The following CCDC9B variants were observed in gnomAD, a reference collection of about 807,000 sequenced individuals.
The protein encoded by CCDC9B is coiled-coil domain containing 9B.
In CCDC9B, 40 loss-of-function variants were observed where a neutral mutation model predicts 47.2. The observed-to-expected ratio is 0.85, with a 90% CI of 0.66 to 1.10. The LOEUF (loss-of-function observed/expected upper bound fraction) is 1.10, where lower values mean the gene tolerates loss of function less well. Among genes scored for constraint, CCDC9B ranks in the 50% least tolerant of loss-of-function variants. The pLI is 0.00. For synonymous variants in CCDC9B, 238 were observed against 250.7 expected (o/e 0.95, Z 0.48); for missense variants, 662 against 651.0 (o/e 1.02, Z -0.18).
rs370005721 is a variant in CCDC9B at position 40,336,743 on chromosome 15, C to A, written c.796+17G>T. On this transcript the variant is annotated intron_variant, in intron 8 of 10. Transcript: ENST00000397536. ...CTTTAGCTGACGAGACCTGGCCCCT[C>A]CTCCTCCCCAACTCACCTTTTCCAT... The A allele has an allele frequency of 3.7e-6, 6 of 1,600,416 alleles. No homozygotes were observed. In the African/African-American group the frequency reaches 8.1e-5, roughly 22 times the overall value.
intron 5 of CCDC9B, chr15:40,338,214 A>C: frequency 1.4e-6 from 1 of 699,558 alleles, no homozygotes; most frequent in South Asian, 1.5e-5. Flanking sequence ...GGCAAGGACT[A>C]GGGGCTGCTG....
chr15:40,336,298 G>A, intron 9 of CCDC9B: 1 of 985,386 alleles, frequency 1.0e-6, no homozygotes, highest in South Asian at 4.7e-5. Flanking sequence ...AGTTCTGTGG[G>A]GACTCCAGGC....
At chr15:40,336,912 C>A (rs562536344) in intron 7 of CCDC9B, 99 bp from the exon 8 acceptor site, 26 of 1,296,054 alleles carry the variant, frequency 2.0e-5, no homozygotes, top group Non-Finnish European at 2.7e-5. Flanking sequence ...GTCCTCGGGG[C>A]CAGTCGTGGG....
At position 40,338,889 on chromosome 15, in the gene CCDC9B, A is replaced by C; in HGVS notation, c.246T>G (p.Val82=). Residue 82 remains valine (V), a synonymous_variant, in exon 4 of 11, where the codon GTT becomes GTG. Transcript: ENST00000397536. ...AGGTACCCCTTGCCCAGTTCCTGCT[A>C]ACCACCCGCTTTTCCTGCAGAACAA... ...ISQVPGEKRV[V]SRNWARGTCG... is the part of the protein sequence containing the mutation. The C allele has an allele frequency of 6.2e-7, 1 of 1,614,024 alleles. No individual in the cohort carries two copies. The highest frequency in any genetic ancestry group is 8.5e-7 in the Non-Finnish European group (1 of 1,180,010).
rs530847185 is a variant in CCDC9B at position 40,336,934 on chromosome 15, C to T, written c.743-121G>A. On this transcript the variant is annotated intron_variant, in intron 7 of 10. Coordinates refer to ENST00000397536, the MANE Select transcript of CCDC9B (RefSeq NM_207380.3). Reference sequence around the variant, plus strand: ...GGGCCAGTCGTGGGTTTTGCCTCCCCAAAAGCGCCCTCGCCTGGGGGTCAG... The same window carrying T: ...GGGCCAGTCGTGGGTTTTGCCTCCCTAAAAGCGCCCTCGCCTGGGGGTCAG... 3.2e-6 allele frequency: 3 copies of T among 932,640 alleles called. No homozygotes were observed. In the Admixed American group the frequency reaches 7.7e-5, roughly 24 times the overall value. 57.8% of individuals were successfully genotyped at this position (932,640 alleles called of 1,614,324 possible).
intron 1 of CCDC9B, chr15:40,340,219 T>G: frequency 1.7e-6 from 1 of 586,824 alleles, no homozygotes; most frequent in South Asian, 2.0e-5. Flanking sequence ...CCCTGCCTCC[T>G]CAGGGGGCTC....
Position 40,338,520 on chromosome 15 carries a change from C to A in CCDC9B, c.513+15G>T, listed in dbSNP as rs1289463975. ...ACCTTCAGATCCATGTCCCCATCCCCTCTTGAAGACACACCTTCCGTGCAG... is the reference window on the plus strand; with the variant it reads ...ACCTTCAGATCCATGTCCCCATCCCATCTTGAAGACACACCTTCCGTGCAG... On this transcript the variant is annotated intron_variant, in intron 5 of 10. Coordinates refer to ENST00000397536, the MANE Select transcript of CCDC9B (RefSeq NM_207380.3). The A allele has an allele frequency of 1.2e-6, 2 of 1,612,184 alleles. No homozygotes were observed. Among genetic ancestry groups the A allele is most frequent in the Admixed American group, 3.3e-5 (2 of 59,884 alleles).
At chr15:40,338,401 G>A in intron 5 of CCDC9B, 134 bp downstream of exon 5, 14 of 1,029,560 alleles carry the variant, frequency 1.4e-5, no homozygotes, top group Non-Finnish European at 2.0e-5. Flanking sequence ...GAGAAAGGGA[G>A]GAGGAGCAGG....
intron 6 of CCDC9B, 125 bp downstream of exon 6, chr15:40,337,598 TG>T: frequency 8.0e-7 from 1 of 1,245,172 alleles, no homozygotes; most frequent in Non-Finnish European, 1.1e-6. Flanking sequence ...CCTTGAACCC[TG>T]GGCTCGACCA....
Position 40,338,572 on chromosome 15 carries a change from G to T in CCDC9B, c.476C>A (p.Pro159His). ...ATCTGAGCTGATGGCCACCTGCGTG[G>T]GGGGGCTTCGGGTCACACGCCCTCC... ...SPGGRVTRSP[P>H]TQVAISSDSA... Residue 159 changes from proline to histidine, a missense_variant, in exon 5 of 11, where the codon CCC becomes CAC. Transcript: ENST00000397536. 1 of 1,614,084 alleles carries T rather than the reference G, an allele frequency of 6.2e-7. No homozygotes were observed. Among genetic ancestry groups the T allele is most frequent in the South Asian group, 1.1e-5 (1 of 91,064 alleles).
Position 40,335,377 on chromosome 15 carries a change from C to T in CCDC9B, c.1254G>A (p.Gly418=), listed in dbSNP as rs1211796125. 6 of 1,613,216 alleles carry T rather than the reference C, an allele frequency of 3.7e-6. No individual in the cohort carries two copies. Among genetic ancestry groups the T allele is most frequent in the African/African-American group, 1.3e-5 (1 of 74,926 alleles). ...WPEGSKQQPL[G]WSNHQAELEV... ...CCAGCTCAGCCTGGTGATTGCTCCA[C>T]CCCAGGGGCTGCTGCTTAGAGCCCT... Residue 418 remains glycine, a synonymous_variant, in exon 11 of 11, where the codon GGG becomes GGA. Transcript: ENST00000397536.
At chr15:40,339,337 T>C (rs974679146) in intron 3 of CCDC9B, 175 bp downstream of exon 3, 4 of 644,038 alleles carry the variant, frequency 6.2e-6, no homozygotes, top group Non-Finnish European at 1.1e-5. Flanking sequence ...AGGGGGGCTT[T>C]CAGCTGTGGC....
chr15:40,338,757 G>C lies in CCDC9B; in HGVS notation c.378C>G (p.Asn126Lys). Residue 126 changes from asparagine (N) to lysine (K), a missense_variant, in exon 4 of 11, where the codon AAC (asparagine) becomes AAG (lysine). Transcript: ENST00000397536. ...CCACCACCCTGCTCACCTCTGCTTT[G>C]TTCTCCATGGTCACAGCCAGCTCCA... ...ELVELAVTME[N>K]KAEGKRIVSE... The C allele has an allele frequency of 6.2e-7, 1 of 1,613,298 alleles. No homozygotes were observed. The highest frequency in any genetic ancestry group is 8.5e-7 in the Non-Finnish European group (1 of 1,179,472).
chr15:40,340,080 A>G, intron 1 of CCDC9B, 65 bp from the exon 2 acceptor site: 1 of 989,440 alleles, frequency 1.0e-6, no homozygotes, highest in African/African-American at 1.6e-5. Flanking sequence ...CCCAGCTTTC[A>G]CATTTTCACC....
chr15:40,335,623 C>T lies in CCDC9B; in HGVS notation c.1008G>A (p.Leu336=). Residue 336 remains leucine (L), a synonymous_variant, in exon 11 of 11, where the codon CTG becomes CTA. Coordinates refer to ENST00000397536, the MANE Select transcript of CCDC9B (RefSeq NM_207380.3). ...QKQSGMEQGR[L]GSAPAASPAL... The stretch of plus-strand genomic sequence containing the variant: ...CTGGGCTGGCTGCAGGGGCGCTCCC[C>T]AGTCGGCCCTGCTCCATCCCGCTCT... The T allele has an allele frequency of 6.0e-6, 9 of 1,501,432 alleles. No individual in the cohort carries two copies. Among genetic ancestry groups the T allele is most frequent in the Non-Finnish European group, 8.0e-6 (9 of 1,120,202 alleles). 93.0% of individuals were successfully genotyped at this position (1,501,432 alleles called of 1,614,324 possible).
At position 40,332,705 on chromosome 15, in the gene CCDC9B, C is replaced by A. The variant is rs926753138; in HGVS notation, c.*2453G>T. 1.3e-5 allele frequency: 2 copies of A among 152,192 alleles called. No individual in the cohort carries two copies. The highest frequency in any genetic ancestry group is 6.5e-5 in the Admixed American group (1 of 15,286). The allele number at this position is 152,192 out of a possible 1,614,324, so 9.4% of individuals were successfully genotyped here. ...GACTGTGAATCTTATAATTCAGATT[C>A]TTGATCACAATCATTTTTGGAGACA... On this transcript the variant is annotated 3_prime_UTR_variant, in exon 11 of 11. Coordinates refer to ENST00000397536, the MANE Select transcript of CCDC9B (RefSeq NM_207380.3).
chr15:40,336,846 G>C, intron 7 of CCDC9B, 33 bp from the exon 8 acceptor site: 2 of 1,574,662 alleles, frequency 1.3e-6, no homozygotes, highest in Non-Finnish European at 1.7e-6. Flanking sequence ...GGAAAGGTGG[G>C]GTGACAAAGG....
At chr15:40,335,981 C>A (rs1315538286) in intron 9 of CCDC9B, 155 bp from the exon 10 acceptor site, 1 of 985,222 alleles carries the variant, frequency 1.0e-6, no homozygotes, top group African/African-American at 1.7e-5. Flanking sequence ...GTGGAGAAAT[C>A]CCAGGGGTGA....
chr15:40,337,119 A>G, intron 7 of CCDC9B: 1 of 623,296 alleles, frequency 1.6e-6, no homozygotes, highest in South Asian at 1.9e-5. Flanking sequence ...TTCACCCTTT[A>G]GGGACCTCAA....
Sources: gnomAD v4.1 joint callset for allele counts on GRCh38, gnomAD v4.1.1 for gene constraint, MANE v1.5 for transcripts, NCBI Gene and HGNC (gene_info 2026-07-23, HGNC 2026-07-21) for gene names.